Variants in RFFL observed in about 807,000 individuals in gnomAD.
RFFL encodes E3 ubiquitin-protein ligase rififylin.
RFFL carries 16 observed loss-of-function variants against 40.4 expected under a neutral mutation model. The ratio of observed to expected loss-of-function variants is 0.40; its 90% CI spans 0.27 to 0.60. The LOEUF is 0.60. RFFL is among the 20% of genes least tolerant of loss of function. RFFL has a pLI of 0.47. For missense variants in RFFL, 367 were observed against 451.7 expected (o/e 0.81, Z 1.70); for synonymous variants, 154 against 167.9 (o/e 0.92, Z 0.64).
intron 2 of RFFL, among the ~76,000 whole-genome samples, chr17:35,024,066 A>C (rs2091026367): frequency 6.6e-6 from 1 of 152,202 alleles, no homozygotes; most frequent in Non-Finnish European, 1.5e-5. Context: ...AAGATGAATT[A>C]GTGGAGGCAA....
intron 1 of RFFL, among the ~76,000 whole-genome samples, chr17:35,041,591 TGTG>T (rs1004450900): frequency 1.1e-5 from 1 of 90,300 alleles, no homozygotes; most frequent in Non-Finnish European, 1.9e-5. Flanking sequence ...CGAAAGGTAG[TGTG>T]ACCTTTCGGT....
At chr17:35,014,435 G>T (rs773048484) in intron 6 of RFFL, among the ~76,000 whole-genome samples, 8 of 152,200 alleles carry the variant, frequency 5.3e-5, no homozygotes, top group Non-Finnish European at 8.8e-5. Context: ...TGAGCTGAGT[G>T]TGATACATGC....
At chr17:35,033,088 G>A (rs950710964) in intron 1 of RFFL, among the ~76,000 whole-genome samples, 2 of 152,036 alleles carry the variant, frequency 1.3e-5, no homozygotes, top group Admixed American at 6.6e-5. Context: ...GAAGAGAGGA[G>A]GCAGTTGCTA....
chr17:35,064,751 T>C (rs2091311895), upstream of RFFL, among the ~76,000 whole-genome samples: 2 of 152,218 alleles, frequency 1.3e-5, no homozygotes, highest in Admixed American at 1.3e-4. Context: ...TCACATGGCA[T>C]GAACTCTGGA....
intron 1 of RFFL, among the ~76,000 whole-genome samples, chr17:35,063,049 C>A (rs192088714): frequency 0.015 from 2,252 of 152,154 alleles, 71 homozygotes; most frequent in African/African-American, 0.052. Flanking sequence ...CACAAAAAAA[C>A]AAAATACAAG....
intron 1 of RFFL, among the ~76,000 whole-genome samples, chr17:35,056,535 G>A (rs1167558716): frequency 2.0e-5 from 3 of 151,670 alleles, no homozygotes; most frequent in Admixed American, 6.6e-5. Context: ...GCACCACCAC[G>A]CCCGGCTAAT....
At chr17:35,017,431 T>C in intron 4 of RFFL, 92 bp downstream of exon 4, 1 of 821,354 alleles carries the variant, frequency 1.2e-6, no homozygotes, top group Non-Finnish European at 2.1e-6. Flanking sequence ...CATCACACAT[T>C]TATTCTCTCT....
At chr17:35,051,467 G>T (rs2091231398) in intron 1 of RFFL, among the ~76,000 whole-genome samples, 1 of 152,082 alleles carries the variant, frequency 6.6e-6, no homozygotes, top group African/African-American at 2.4e-5. Flanking sequence ...CTGCCAACTG[G>T]TTCACTAGAC....
chr17:35,013,257 C>T (rs2142312841), intron 6 of RFFL, among the ~76,000 whole-genome samples: 1 of 152,352 alleles, frequency 6.6e-6, no homozygotes, highest in South Asian at 2.1e-4. Flanking sequence ...TGGCCTTCTG[C>T]CTAACTGCCC....
chr17:35,088,012 G>T (rs989609613), intron 1 of RFFL, among the ~76,000 whole-genome samples: 1 of 152,090 alleles, frequency 6.6e-6, no homozygotes, highest in Admixed American at 6.5e-5. Context: ...TATAATAAAC[G>T]GGCAGCCCGG....
chr17:35,021,249 A>G (rs1334196977), intron 3 of RFFL, 122 bp downstream of exon 3: 1 of 1,010,872 alleles, frequency 9.9e-7, no homozygotes, highest in Non-Finnish European at 1.4e-6. Context: ...GTAGTCAGAA[A>G]GGCTTCACAT....
intron 1 of RFFL, among the ~76,000 whole-genome samples, chr17:35,063,070 G>A (rs530083210): frequency 1.9e-4 from 29 of 152,194 alleles, no homozygotes; most frequent in East Asian, 3.9e-4. Flanking sequence ...AGCAAATGAC[G>A]GATAAAGCTG....
rs1271338025 is a variant in RFFL, at chr17:35,008,597, ATTTTTTGGT to A, written c.*3362_*3370del. The A allele has an allele frequency of 6.6e-6, 1 of 151,500 alleles. No individual in the cohort carries two copies. Among genetic ancestry groups the A allele is most frequent in the Non-Finnish European group, 1.5e-5 (1 of 67,892 alleles). The allele number at this position is 151,500 out of a possible 1,614,324, so 9.4% of individuals were successfully genotyped here. A position where few individuals can be genotyped will look rare whatever the true frequency, so the allele number is the denominator to read the frequency against. ...CCACATGCACCACCATGCACGGCTA[ATTTTTTGGT>A]TTTTTTGGGTTTTTTGTTTGTGTTT... On this transcript the variant is annotated 3_prime_UTR_variant, in exon 7 of 7. Coordinates refer to ENST00000394597, the MANE Select transcript of RFFL (RefSeq NM_001017368.2).
chr17:35,021,844 T>C, intron 2 of RFFL, 63 bp from the exon 3 acceptor site: 3 of 1,550,078 alleles, frequency 1.9e-6, no homozygotes, highest in Non-Finnish European at 2.7e-6. Flanking sequence ...GAGAGTGCGA[T>C]GGGAGCTTCA....
intron 5 of RFFL, among the ~76,000 whole-genome samples, chr17:35,015,706 G>A (rs2090969186): frequency 6.6e-6 from 1 of 152,150 alleles, no homozygotes; most frequent in Admixed American, 6.5e-5. Context: ...AAGATTCTGT[G>A]GTGAAATAAT....
At position 35,014,810 on chromosome 17, in the gene RFFL, A is replaced by G. The variant is rs768326090; in HGVS notation, c.887-47T>C. On this transcript the variant is annotated intron_variant, in intron 5 of 6. Coordinates refer to ENST00000394597, the MANE Select transcript of RFFL (RefSeq NM_001017368.2). ...GTCTGAATAGGTAAGGCATGATGGT[A>G]CAAATACAGTCTCTTACTGCCCTGA... The G allele has an allele frequency of 5.8e-5, 91 of 1,578,944 alleles. No individual in the cohort carries two copies. The Admixed American group carries it at 1.2e-3, about 21-fold the overall frequency.
In RFFL at chr17:35,011,855, T is replaced by G. The variant is rs1597809618; in HGVS notation, c.*113A>C. Reference sequence around the variant, plus strand: ...ACATGGCATCTTGCTTGACCTGGTTTTGGGAACCCTGCAATATTTCTACTA... The same window carrying G: ...ACATGGCATCTTGCTTGACCTGGTTGTGGGAACCCTGCAATATTTCTACTA... On this transcript the variant is annotated 3_prime_UTR_variant, in exon 7 of 7. Transcript: ENST00000394597. The G allele has an allele frequency of 1.9e-6, 2 of 1,035,906 alleles. No individual in the cohort carries two copies. Among genetic ancestry groups the G allele is most frequent in the East Asian group, 4.8e-5 (2 of 41,412 alleles). The allele number at this position is 1,035,906 out of a possible 1,614,324, so 64.2% of individuals were successfully genotyped here.
intron 1 of RFFL, 59 bp from the exon 2 acceptor site, chr17:35,026,620 T>C: frequency 7.1e-7 from 1 of 1,410,202 alleles, no homozygotes; most frequent in South Asian, 1.2e-5. Flanking sequence ...TACTGTCCTT[T>C]TGATGTCCGA....
At chr17:35,028,509 A>G (rs1172721834) in intron 1 of RFFL, among the ~76,000 whole-genome samples, 1 of 152,110 alleles carries the variant, frequency 6.6e-6, no homozygotes, top group African/African-American at 2.4e-5. Flanking sequence ...CTCAAATGCC[A>G]AGCATTGATG....
Sources: allele counts gnomAD v4.1 joint callset (sites outside exome capture counted in the v4.1 genomes callset), GRCh38; gene constraint gnomAD v4.1.1; transcripts MANE v1.5; gene names NCBI Gene and HGNC (gene_info 2026-07-23, HGNC 2026-07-21).